The following ARK2C variants were observed in gnomAD, a reference collection of about 807,000 sequenced individuals.
The protein encoded by ARK2C is arkadia (RNF111) C-terminal like ring finger ubiquitin ligase 2C.
the ARK2C span, chr18:46,337,132 G>T: frequency 1.0e-6 from 1 of 985,194 alleles, no homozygotes; most frequent in Non-Finnish European, 1.2e-6. Context: ...AATAATAAAA[G>T]AATAAGGCCC....
At chr18:46,436,303 T>C in the ARK2C span, among the ~76,000 whole-genome samples, 1 of 152,004 alleles carries the variant, frequency 6.6e-6, no homozygotes, top group African/African-American at 2.4e-5. Context: ...TGTAAGTATA[T>C]ACATTGTGGG....
chr18:46,373,445 C>T, the ARK2C span, among the ~76,000 whole-genome samples: 1 of 152,214 alleles, frequency 6.6e-6, no homozygotes, highest in Non-Finnish European at 1.5e-5. Context: ...TTGACAGTGC[C>T]CCACAGTATC....
At chr18:46,393,856 C>T in the ARK2C span, among the ~76,000 whole-genome samples, 37 of 152,374 alleles carry the variant, frequency 2.4e-4, no homozygotes, top group African/African-American at 8.4e-4. Flanking sequence ...GGGTTCAAAT[C>T]TTGCCTCTGC....
the ARK2C span, among the ~76,000 whole-genome samples, chr18:46,451,891 A>C: frequency 1.2e-4 from 19 of 152,232 alleles, no homozygotes; most frequent in Non-Finnish European, 2.2e-4. Context: ...TAAGTAAAAG[A>C]AGTTAGCCCA....
the ARK2C span, among the ~76,000 whole-genome samples, chr18:46,450,109 T>C: frequency 6.6e-6 from 1 of 152,126 alleles, no homozygotes. Flanking sequence ...TGTTATTCCT[T>C]CTGGGGCTTG....
chr18:46,456,870 G>C, the ARK2C span: 3 of 512,824 alleles, frequency 5.8e-6, no homozygotes, highest in Non-Finnish European at 1.1e-5. Flanking sequence ...CAGGAGAGAG[G>C]GAGCTGGCGG....
chr18:46,380,489 G>T, the ARK2C span, among the ~76,000 whole-genome samples: 4 of 152,252 alleles, frequency 2.6e-5, no homozygotes, highest in African/African-American at 4.8e-5. Context: ...CACAGTGCTT[G>T]TGGTGTGCCA....
chr18:46,404,892 A>T, the ARK2C span, among the ~76,000 whole-genome samples: 4 of 152,176 alleles, frequency 2.6e-5, no homozygotes, highest in South Asian at 8.3e-4. Flanking sequence ...AGGCATAGGA[A>T]GTTCAGAGAA....
the ARK2C span, among the ~76,000 whole-genome samples, chr18:46,351,519 C>T: frequency 2.6e-5 from 4 of 152,170 alleles, no homozygotes; most frequent in African/African-American, 9.7e-5. Context: ...CCTGCAGAGC[C>T]GCCCTGCCAT....
the ARK2C span, among the ~76,000 whole-genome samples, chr18:46,410,409 G>A: frequency 6.6e-6 from 1 of 152,324 alleles, no homozygotes; most frequent in East Asian, 1.9e-4. Context: ...CACAGTTAAG[G>A]TGGAGGAGGA....
chr18:46,437,237 G>A, the ARK2C span, among the ~76,000 whole-genome samples: 1 of 152,114 alleles, frequency 6.6e-6, no homozygotes. Context: ...TCCCAAGTAG[G>A]ATGCTGATTC....
At chr18:46,415,153 T>C in the ARK2C span, among the ~76,000 whole-genome samples, 1 of 152,168 alleles carries the variant, frequency 6.6e-6, no homozygotes, top group African/African-American at 2.4e-5. Flanking sequence ...ACATGACCTC[T>C]GCCAGAGTTT....
At chr18:46,395,075 C>A in the ARK2C span, among the ~76,000 whole-genome samples, 1 of 152,246 alleles carries the variant, frequency 6.6e-6, no homozygotes. Context: ...CGCTGGAACT[C>A]AAGCTTATGC....
chr18:46,458,650 G>A, the ARK2C span: 1 of 152,338 alleles, frequency 6.6e-6, no homozygotes, highest in Admixed American at 6.5e-5. Flanking sequence ...TGCGGGAATA[G>A]CTGCTCTGGC....
chr18:46,345,080 T>G, the ARK2C span, among the ~76,000 whole-genome samples: 1 of 152,208 alleles, frequency 6.6e-6, no homozygotes, highest in African/African-American at 2.4e-5. Context: ...CTGAGGCTGC[T>G]TCGGGGCAGG....
the ARK2C span, among the ~76,000 whole-genome samples, chr18:46,349,774 C>A: frequency 6.6e-6 from 1 of 152,106 alleles, no homozygotes; most frequent in Non-Finnish European, 1.5e-5. Flanking sequence ...TAGTTGGGCA[C>A]CCCTTGCCCA....
At chr18:46,440,882 C>G in the ARK2C span, among the ~76,000 whole-genome samples, 1 of 151,590 alleles carries the variant, frequency 6.6e-6, no homozygotes, top group Non-Finnish European at 1.5e-5. Context: ...CCTTGAAATG[C>G]CTTTGTCTGA....
At chr18:46,428,191 A>G in the ARK2C span, among the ~76,000 whole-genome samples, 1 of 152,118 alleles carries the variant, frequency 6.6e-6, no homozygotes. Context: ...CTGGCGGACC[A>G]CGAGGTCAGG....
chr18:46,383,337 G>C, the ARK2C span, among the ~76,000 whole-genome samples: 2 of 152,142 alleles, frequency 1.3e-5, no homozygotes, highest in African/African-American at 4.8e-5. Context: ...GCTAATGAGG[G>C]AACCAGCAGG....
Sources: allele counts gnomAD v4.1 joint callset (sites outside exome capture counted in the v4.1 genomes callset), GRCh38; gene constraint gnomAD v4.1.1; transcripts MANE v1.5; gene names NCBI Gene and HGNC (gene_info 2026-07-23, HGNC 2026-07-21).